Variants in ACLY observed in about 807,000 individuals in gnomAD.
ACLY encodes ATP-citrate synthase.
ACLY carries 41 observed loss-of-function variants against 133.0 expected under a neutral mutation model. The observed-to-expected ratio is 0.31, with a 90% CI of 0.24 to 0.40. The LOEUF (loss-of-function observed/expected upper bound fraction) is 0.40, where lower values mean the gene tolerates loss of function less well. Among genes scored for constraint, ACLY ranks in the 10% least tolerant of loss-of-function variants. The pLI is 1.00. For synonymous variants in ACLY, 495 were observed against 549.3 expected (o/e 0.90, Z 1.38); for missense variants, 1,046 against 1,453.8 (o/e 0.72, Z 4.56).
chr17:41,880,854 A>T (rs2048894468), intron 20 of ACLY, among the ~76,000 whole-genome samples: 1 of 151,400 alleles, frequency 6.6e-6, no homozygotes, highest in Non-Finnish European at 1.5e-5. Flanking sequence ...CGACAGAGCG[A>T]GACTCCGTCT....
chr17:41,879,647 CAAAAAAAAAAAAAAAAAAAAAAA>C (rs558056100), intron 20 of ACLY, among the ~76,000 whole-genome samples: 81 of 34,230 alleles, frequency 2.4e-3, no homozygotes, highest in African/African-American at 0.01. Flanking sequence ...GACTCCGTCT[CAAAAAAAAAAAAAAAAAAAAAAA>C]AAAAAAAAAA....
At chr17:41,914,864 G>A (rs2164517) in intron 1 of ACLY, among the ~76,000 whole-genome samples, 104,345 of 151,932 alleles carry the variant, frequency 0.69, 37,335 homozygotes, top group South Asian at 0.83. Flanking sequence ...GGGTGTCAGA[G>A]CAAGACCTTG....
intron 27 of ACLY, 75 bp from the exon 28 acceptor site, chr17:41,868,860 G>T: frequency 2.0e-6 from 3 of 1,496,630 alleles, no homozygotes; most frequent in Non-Finnish European, 2.8e-6. Context: ...TACTACTACT[G>T]CCCAAGAATG....
intron 11 of ACLY, among the ~76,000 whole-genome samples, 200 bp from the exon 12 acceptor site, chr17:41,898,985 A>G (rs1425556386): frequency 2.0e-5 from 3 of 152,152 alleles, no homozygotes; most frequent in Non-Finnish European, 4.4e-5. Context: ...TAACAAGAAC[A>G]AGAAACAGGC....
intron 25 of ACLY, among the ~76,000 whole-genome samples, chr17:41,871,322 A>G (rs1448616791): frequency 1.3e-5 from 2 of 149,196 alleles, no homozygotes; most frequent in Admixed American, 1.3e-4. Flanking sequence ...TGCCCCCACT[A>G]TCACCACCCA....
chr17:41,869,332 T>C (rs2048540858), intron 26 of ACLY, 142 bp downstream of exon 26: 1 of 826,532 alleles, frequency 1.2e-6, no homozygotes, highest in South Asian at 1.7e-5. Flanking sequence ...TGCATGTCTG[T>C]TAAATTTAGT....
In ACLY at chr17:41,910,242, G is replaced by A; in HGVS notation, c.325C>T (p.Pro109Ser). ...CATACCTGACTGTGGGGGACGAAGG[G>A]CTCGATCAGAAAGTTCTTGAGGAAG... ...TGFLKNFLIE[P>S]FVPHSQAEEF... The change falls in exon 4 of 29, where the codon CCC (proline) becomes TCC (serine). Residue 109 changes from proline (P) to serine (S), a missense_variant. Physicochemically the swap from Pro to Ser is moderately conservative, Grantham distance 74. Around this residue, in one of 4 missense-constraint regions of ACLY, gnomAD observed 227 missense variants for 245.6 expected, o/e 0.92. Transcript: ENST00000352035. The A allele has an allele frequency of 6.2e-7, 1 of 1,613,808 alleles. No individual in the cohort carries two copies. The highest frequency in any genetic ancestry group is 2.2e-5 in the East Asian group (1 of 44,864).
chr17:41,920,419 A>G (rs2050163177), upstream of ACLY, among the ~76,000 whole-genome samples: 1 of 151,902 alleles, frequency 6.6e-6, no homozygotes, highest in African/African-American at 2.4e-5. Flanking sequence ...GCAAAACCCC[A>G]TCTCTACAAA....
chr17:41,913,791 C>A lies in ACLY; in HGVS notation c.83G>T (p.Arg28Leu). The A allele has an allele frequency of 6.2e-7, 1 of 1,614,206 alleles. No individual in the cohort carries two copies. The highest frequency in any genetic ancestry group is 8.5e-7 in the Non-Finnish European group (1 of 1,180,040). The part of the protein sequence containing the change: ...FICTTSAIQN[R>L]FKYARVTPDT... ...AGGAGTGACCCGAGCATACTTGAAC[C>A]GATTCTGGATGGCTGAGGTGGTACA... is the stretch of plus-strand genomic sequence containing the variant. Residue 28 changes from arginine (R) to leucine (L), a missense_variant, in exon 2 of 29, where the codon CGG becomes CTG. Transcript: ENST00000352035.
chr17:41,874,521 C>G (rs2048680310), intron 22 of ACLY, among the ~76,000 whole-genome samples: 2 of 151,990 alleles, frequency 1.3e-5, no homozygotes, highest in African/African-American at 2.4e-5. Context: ...AGTTCTCCCA[C>G]CTCAGCCTCC....
intron 7 of ACLY, among the ~76,000 whole-genome samples, chr17:41,906,885 C>T (rs1186361622): frequency 6.6e-6 from 1 of 152,190 alleles, no homozygotes; most frequent in African/African-American, 2.4e-5. Flanking sequence ...CCTTCTCTGA[C>T]GTCAAGTACT....
intron 12 of ACLY, among the ~76,000 whole-genome samples, chr17:41,898,304 G>A (rs1366789352): frequency 1.3e-5 from 2 of 152,038 alleles, no homozygotes; most frequent in African/African-American, 2.4e-5. Context: ...GTAGAGACAC[G>A]GTTTCACCAT....
At chr17:41,907,992 G>A (rs1245007243) in intron 6 of ACLY, among the ~76,000 whole-genome samples, 1 of 152,188 alleles carries the variant, frequency 6.6e-6, no homozygotes, top group African/African-American at 2.4e-5. Flanking sequence ...GGTCTGGCTA[G>A]GGGAAGCCTC....
intron 1 of ACLY, 78 bp from the exon 2 acceptor site, chr17:41,913,974 C>G: frequency 3.0e-6 from 4 of 1,343,818 alleles, no homozygotes; most frequent in Non-Finnish European, 4.1e-6. Context: ...CAGACCCACT[C>G]CCAGTTGCCC....
At chr17:41,892,807 G>C (rs1005936022) in intron 15 of ACLY, among the ~76,000 whole-genome samples, 6 of 152,028 alleles carry the variant, frequency 3.9e-5, no homozygotes, top group Admixed American at 3.9e-4. Flanking sequence ...CTCCCAAGTA[G>C]CTGGGACTAC....
At position 41,882,086 on chromosome 17, in the gene ACLY, A is replaced by T. The variant is rs562031621; in HGVS notation, c.2265+1036T>A. 4.0e-3 allele frequency among the ~76,000 whole-genome samples: 603 copies of T among 151,944 alleles called. 3 individuals carry two copies. The highest frequency in any genetic ancestry group is 0.014 in the African/African-American group (577 of 41,438). On this transcript the variant is annotated intron_variant, in intron 20 of 28. Coordinates refer to ENST00000352035, the MANE Select transcript of ACLY (RefSeq NM_001096.3). ...CCTGATAAGCATGTAAGTTGTTTCC[A>T]GGCCAGGCATGGTGGCTCACGCCTG...
chr17:41,926,468 A>G (rs960452545), intron 1 of ACLY, among the ~76,000 whole-genome samples: 3 of 152,122 alleles, frequency 2.0e-5, no homozygotes, highest in Non-Finnish European at 2.9e-5. Context: ...ACACATTATG[A>G]TTGGTATTTT....
intron 21 of ACLY, 149 bp from the exon 22 acceptor site, chr17:41,878,345 G>A (rs782358328): frequency 3.6e-6 from 2 of 550,794 alleles, no homozygotes; most frequent in Non-Finnish European, 6.1e-6. Context: ...ATGAAAAGAA[G>A]TTCTAGCCAA....
intron 1 of ACLY, among the ~76,000 whole-genome samples, chr17:41,914,407 A>C (rs1555634193): frequency 6.6e-6 from 1 of 152,042 alleles, no homozygotes; most frequent in Admixed American, 6.6e-5. Context: ...CCACACCCAG[A>C]TTTACCCCTA....
Sources: allele counts gnomAD v4.1 joint callset (sites outside exome capture counted in the v4.1 genomes callset), GRCh38; gene constraint gnomAD v4.1.1; regional missense constraint gnomAD v4.1.1; transcripts MANE v1.5; gene names NCBI Gene and HGNC (gene_info 2026-07-23, HGNC 2026-07-21).